The following SLC13A3 variants were observed in gnomAD, a reference collection of about 807,000 sequenced individuals.
The protein encoded by SLC13A3 is solute carrier family 13 member 3, also known as Na(+)/dicarboxylate cotransporter 3.
A neutral mutation model predicts 59.0 loss-of-function variants in SLC13A3; 40 were observed. The observed-to-expected ratio is 0.68, with a 90% CI of 0.53 to 0.88. SLC13A3 has a LOEUF of 0.88. SLC13A3 is among the 40% of genes least tolerant of loss of function. SLC13A3 has a pLI of 0.00. For missense variants in SLC13A3, 699 were observed against 783.2 expected (o/e 0.89, Z 1.28); for synonymous variants, 317 against 330.3 (o/e 0.96, Z 0.44).
At chr20:46,648,922 CACACACACACACACACACAT>C (rs2062924154) in intron 1 of SLC13A3, among the ~76,000 whole-genome samples, 1 of 143,250 alleles carries the variant, frequency 7.0e-6, no homozygotes, top group Non-Finnish European at 1.5e-5. Flanking sequence ...CTCTCACACA[CACACACACACACACACACAT>C]ACACACACAC....
At chr20:46,643,329 T>C (rs1427689996) in intron 1 of SLC13A3, among the ~76,000 whole-genome samples, 2 of 152,172 alleles carry the variant, frequency 1.3e-5, no homozygotes, top group Non-Finnish European at 2.9e-5. Context: ...TCATTTTCTA[T>C]TTTAGATAGG....
intron 5 of SLC13A3, among the ~76,000 whole-genome samples, chr20:46,594,963 C>T (rs549127639): frequency 1.3e-5 from 2 of 152,292 alleles, no homozygotes; most frequent in East Asian, 3.9e-4. Flanking sequence ...GCACACATAG[C>T]AAACCTCTCT....
intron 12 of SLC13A3, among the ~76,000 whole-genome samples, chr20:46,562,436 C>T (rs957430910): frequency 4.6e-5 from 7 of 152,124 alleles, no homozygotes; most frequent in African/African-American, 1.4e-4. Flanking sequence ...GTGAGGCTGG[C>T]GGCTTCCCAT....
chr20:46,577,887 A>T (rs2062094613), intron 9 of SLC13A3, among the ~76,000 whole-genome samples: 1 of 152,238 alleles, frequency 6.6e-6, no homozygotes, highest in South Asian at 2.1e-4. Flanking sequence ...AAATGGGCTA[A>T]CAGCACTTCC....
At chr20:46,634,495 GC>G (rs530956554) in intron 1 of SLC13A3, among the ~76,000 whole-genome samples, 167 of 152,170 alleles carry the variant, frequency 1.1e-3, no homozygotes, top group Non-Finnish European at 2.0e-3. Context: ...AGAAAGGGCA[GC>G]AAACCTGCCC....
chr20:46,602,810 C>T (rs1057260483), intron 3 of SLC13A3, among the ~76,000 whole-genome samples: 3 of 152,090 alleles, frequency 2.0e-5, no homozygotes, highest in African/African-American at 7.2e-5. Context: ...AGGGTATATC[C>T]CTTAATCTCC....
rs1279525777 is a variant in SLC13A3, at chr20:46,651,347, G to A, written c.75C>T (p.Leu25=). ...GGGCGAAGACCACCGGCAGCAGCGC[G>A]AGCGGCGTGAACAGCAGCACCAGCA... is the stretch of plus-strand genomic sequence containing the variant. ...RRLLVLLFTP[L]ALLPVVFALP... Residue 25 remains leucine, a synonymous_variant, in exon 1 of 13, where the codon CTC becomes CTT. Coordinates refer to ENST00000279027, the MANE Select transcript of SLC13A3 (RefSeq NM_022829.6). The A allele has an allele frequency of 4.4e-5, 67 of 1,514,422 alleles. No individual in the cohort carries two copies. Among genetic ancestry groups the A allele is most frequent in the Non-Finnish European group, 5.8e-5 (66 of 1,133,702 alleles). 93.8% of individuals were successfully genotyped at this position (1,514,422 alleles called of 1,614,324 possible).
chr20:46,639,322 C>T (rs2062824421), intron 1 of SLC13A3, among the ~76,000 whole-genome samples: 2 of 152,124 alleles, frequency 1.3e-5, no homozygotes, highest in African/African-American at 2.4e-5. Context: ...ATTAGCCTGG[C>T]GTGGTGGCAG....
chr20:46,604,339 T>C (rs978006585), intron 3 of SLC13A3, among the ~76,000 whole-genome samples: 1 of 152,194 alleles, frequency 6.6e-6, no homozygotes, highest in East Asian at 1.9e-4. Context: ...ATGGCATGTG[T>C]GCCCCGCCCC....
chr20:46,598,483 G>A (rs756521020), intron 4 of SLC13A3, among the ~76,000 whole-genome samples: 12 of 152,234 alleles, frequency 7.9e-5, no homozygotes, highest in Admixed American at 2.0e-4. Context: ...GCATCCAACA[G>A]ATGTAGGCTT....
intron 10 of SLC13A3, among the ~76,000 whole-genome samples, chr20:46,571,085 G>C (rs2062024917): frequency 6.6e-6 from 1 of 152,106 alleles, no homozygotes; most frequent in Admixed American, 6.5e-5. Flanking sequence ...CGAGCAGAAG[G>C]GGGAAAAGCC....
chr20:46,588,340 T>C (rs1461418269), intron 7 of SLC13A3, among the ~76,000 whole-genome samples, 177 bp from the exon 8 acceptor site: 2 of 151,978 alleles, frequency 1.3e-5, no homozygotes, highest in Non-Finnish European at 2.9e-5. Flanking sequence ...GCCAATGGAC[T>C]GTAAATGATT....
chr20:46,653,254 G>A (rs1454686756), upstream of SLC13A3, among the ~76,000 whole-genome samples: 2 of 152,238 alleles, frequency 1.3e-5, no homozygotes, highest in Admixed American at 1.3e-4. Context: ...TTCTAATTTT[G>A]ATGTAGTTAA....
chr20:46,560,268 C>T, intron 12 of SLC13A3, 70 bp from the exon 13 acceptor site: 6 of 1,466,372 alleles, frequency 4.1e-6, no homozygotes, highest in Non-Finnish European at 5.7e-6. Flanking sequence ...CATTCAGACT[C>T]AGAGACAGGA....
At position 46,560,136 on chromosome 20, in the gene SLC13A3, G is replaced by A. The variant is rs370445738; in HGVS notation, c.1695C>T (p.Thr565=). Residue 565 remains threonine, a synonymous_variant, in exon 13 of 13, where the codon ACC becomes ACT. Transcript: ENST00000279027. ...GVLLLSLAMN[T]WAQTIFQLGT... ...CCAGCTGGAAGATGGTCTGTGCCCA[G>A]GTATTCATAGCCAAACTGAGCAGCA... The A allele has an allele frequency of 4.3e-6, 7 of 1,614,032 alleles. No homozygotes were observed. In the African/African-American group the frequency reaches 9.3e-5, roughly 22 times the overall value.
chr20:46,674,162 C>T (rs2063108718), upstream of SLC13A3, among the ~76,000 whole-genome samples: 2 of 152,184 alleles, frequency 1.3e-5, no homozygotes, highest in Admixed American at 6.5e-5. Context: ...CCCTCCACCT[C>T]CGCACCCTGA....
intron 4 of SLC13A3, among the ~76,000 whole-genome samples, chr20:46,597,873 G>T (rs1161977643): frequency 6.6e-6 from 1 of 152,168 alleles, no homozygotes; most frequent in East Asian, 1.9e-4. Flanking sequence ...ATATGCAATT[G>T]TAAATTGTTT....
At position 46,583,026 on chromosome 20, in the gene SLC13A3, C is replaced by T. The variant is rs958399453; in HGVS notation, c.1219+546G>A. 4.1e-6 allele frequency: 4 copies of T among 986,006 alleles called. No individual in the cohort carries two copies. In the African/African-American group the frequency reaches 5.2e-5, roughly 13 times the overall value. 61.1% of individuals were successfully genotyped at this position (986,006 alleles called of 1,614,324 possible). A position where few individuals can be genotyped will look rare whatever the true frequency, so the allele number is the denominator to read the frequency against. ...CGGTTGAAACCCAGCTTGTGTTTTCCATGTGTGGCTCCCTGGGCAACCAAG... is the reference window on the plus strand; with the variant it reads ...CGGTTGAAACCCAGCTTGTGTTTTCTATGTGTGGCTCCCTGGGCAACCAAG... On this transcript the variant is annotated intron_variant, in intron 9 of 12. Transcript: ENST00000279027.
At chr20:46,661,278 G>T (rs1195941629) in intron 1 of SLC13A3, among the ~76,000 whole-genome samples, 1 of 152,104 alleles carries the variant, frequency 6.6e-6, no homozygotes, top group South Asian at 2.1e-4. Flanking sequence ...CTGTAAAACC[G>T]ATAGAGTATG....
Sources: gnomAD v4.1 joint callset for allele counts (sites outside exome capture counted in the v4.1 genomes callset) on GRCh38, gnomAD v4.1.1 for gene constraint, MANE v1.5 for transcripts, NCBI Gene and HGNC (gene_info 2026-07-23, HGNC 2026-07-21) for gene names.